TENM2: variants seen among roughly 807,000 people sequenced by gnomAD.
The protein encoded by TENM2 is teneurin transmembrane protein 2.
TENM2 carries 52 observed loss-of-function variants against 245.2 expected under a neutral mutation model. That is an observed-to-expected ratio of 0.21 (90% CI 0.17 to 0.27). The LOEUF is 0.27. TENM2 is among the 10% of genes least tolerant of loss of function. The pLI, the probability that TENM2 is intolerant of heterozygous loss-of-function variation, is 1.00. For synonymous variants in TENM2, 1,363 were observed against 1,438.9 expected (o/e 0.95, Z 1.19); for missense variants, 3,046 against 3,666.8 (o/e 0.83, Z 4.37).
chr5:168,208,187 A>G (rs898654244), intron 19 of TENM2, among the ~76,000 whole-genome samples: 1 of 152,212 alleles, frequency 6.6e-6, no homozygotes, highest in African/African-American at 2.4e-5. Context: ...ATTATACGGG[A>G]TGGGACGGTA....
chr5:167,543,871 G>T (rs1772380094), intron 2 of TENM2, among the ~76,000 whole-genome samples: 1 of 152,134 alleles, frequency 6.6e-6, no homozygotes, highest in Non-Finnish European at 1.5e-5. Flanking sequence ...CTCTTCCTGT[G>T]TCTTAACATC....
intron 5 of TENM2, among the ~76,000 whole-genome samples, chr5:168,017,089 A>G (rs1306260960): frequency 6.6e-6 from 1 of 152,140 alleles, no homozygotes; most frequent in Admixed American, 6.5e-5. Context: ...TTGCCCCTCA[A>G]GATTTCTTCA....
intron 2 of TENM2, among the ~76,000 whole-genome samples, chr5:167,534,603 C>CA (rs1562034383): frequency 1.3e-5 from 2 of 152,124 alleles, no homozygotes; most frequent in African/African-American, 2.4e-5. Context: ...CACAGGAAAG[C>CA]ATTTGGACTT....
At chr5:167,577,194 G>C (rs1030738459) in intron 2 of TENM2, among the ~76,000 whole-genome samples, 6 of 152,098 alleles carry the variant, frequency 3.9e-5, no homozygotes, top group African/African-American at 1.4e-4. Flanking sequence ...ATTTATTTTT[G>C]GAAATGATCA....
intron 13 of TENM2, among the ~76,000 whole-genome samples, chr5:168,173,295 C>T (rs1158135043): frequency 6.6e-6 from 1 of 152,168 alleles, no homozygotes; most frequent in Admixed American, 6.5e-5. Flanking sequence ...AGACCTGAGA[C>T]TGGAGTCCTG....
intron 2 of TENM2, among the ~76,000 whole-genome samples, chr5:167,678,552 C>A: frequency 6.6e-6 from 1 of 152,228 alleles, no homozygotes; most frequent in Middle Eastern, 3.4e-3. Context: ...CAGTTATTTG[C>A]TTATTATCCT....
chr5:167,802,375 C>T (rs1440567519), intron 2 of TENM2, among the ~76,000 whole-genome samples: 1 of 152,052 alleles, frequency 6.6e-6, no homozygotes, highest in African/African-American at 2.4e-5. Flanking sequence ...TAAGTGGGAC[C>T]CTCCCATGAC....
At chr5:168,102,052 T>TG (rs1793858160) in intron 9 of TENM2, among the ~76,000 whole-genome samples, 6 of 106,714 alleles carry the variant, frequency 5.6e-5, no homozygotes, top group East Asian at 4.6e-4. Context: ...TTTTTTTGTT[T>TG]TTGTGTGTGT....
intron 2 of TENM2, among the ~76,000 whole-genome samples, chr5:167,423,908 C>T (rs1424705051): frequency 6.6e-6 from 1 of 152,152 alleles, no homozygotes; most frequent in Non-Finnish European, 1.5e-5. Flanking sequence ...GCGAAGCAAC[C>T]TCCTCAACCC....
chr5:167,654,953 A>G (rs1328929976), intron 2 of TENM2, among the ~76,000 whole-genome samples: 1 of 152,174 alleles, frequency 6.6e-6, no homozygotes, highest in African/African-American at 2.4e-5. Flanking sequence ...TAGTAAAAGT[A>G]TTAAATAAAT....
chr5:167,932,915 T>C (rs902924005), intron 3 of TENM2, among the ~76,000 whole-genome samples: 15 of 152,150 alleles, frequency 9.9e-5, no homozygotes, highest in African/African-American at 3.4e-4. Flanking sequence ...CTACATGTTG[T>C]ATTGAAAAGA....
the TENM2 span, among the ~76,000 whole-genome samples, chr5:167,187,765 G>A: frequency 5.3e-5 from 8 of 151,940 alleles, no homozygotes; most frequent in East Asian, 7.7e-4. Context: ...TCTGTTCTCC[G>A]GGGAGCCTGG....
chr5:167,101,869 A>ATATATATATATATATG, the TENM2 span, among the ~76,000 whole-genome samples: 3 of 125,752 alleles, frequency 2.4e-5, no homozygotes, highest in South Asian at 5.5e-4. Flanking sequence ...ATATATATAT[A>ATATATATATATATATG]TATATATGCA....
the TENM2 span, among the ~76,000 whole-genome samples, chr5:166,990,463 G>A: frequency 3.3e-5 from 5 of 152,014 alleles, no homozygotes; most frequent in South Asian, 2.1e-4. Context: ...AAAATAATCC[G>A]GCTGGCTGAA....
rs113034726 is a variant in TENM2, at chr5:168,040,349, A to G, written c.1187-7078A>G. 5.1e-3 allele frequency among the ~76,000 whole-genome samples: 778 copies of G among 152,252 alleles called. 4 individuals carry two copies. The highest frequency in any genetic ancestry group is 7.5e-3 in the Non-Finnish European group (512 of 68,008). ...GATTCTGGGATTGTATCTGCCTCTCATCTTTCCTCTTCTTTGTAATTCCTG... is the reference window on the plus strand; with the variant it reads ...GATTCTGGGATTGTATCTGCCTCTCGTCTTTCCTCTTCTTTGTAATTCCTG... On this transcript the variant is annotated intron_variant, in intron 5 of 28. Coordinates refer to ENST00000518659, the Ensembl canonical transcript of TENM2.
chr5:167,815,047 A>T (rs893152090), intron 2 of TENM2, among the ~76,000 whole-genome samples: 7 of 152,206 alleles, frequency 4.6e-5, no homozygotes, highest in Non-Finnish European at 1.0e-4. Context: ...CAGAGACGTC[A>T]ACCACAGCAG....
intron 27 of TENM2, among the ~76,000 whole-genome samples, chr5:168,258,360 G>T (rs938940257): frequency 3.3e-5 from 5 of 152,096 alleles, no homozygotes; most frequent in African/African-American, 9.7e-5. Context: ...AATTAGCCGG[G>T]TGTGGTGGCA....
the TENM2 span, among the ~76,000 whole-genome samples, chr5:167,234,480 A>G: frequency 6.6e-6 from 1 of 152,230 alleles, no homozygotes; most frequent in Non-Finnish European, 1.5e-5. Flanking sequence ...TGCTGTATAC[A>G]GACAAAATAG....
the TENM2 span, among the ~76,000 whole-genome samples, chr5:167,025,699 C>A: frequency 6.6e-6 from 1 of 152,178 alleles, no homozygotes; most frequent in South Asian, 2.1e-4. Flanking sequence ...TCAATCCCAA[C>A]TCTGTGCTGT....
Sources: allele counts gnomAD v4.1 joint callset (sites outside exome capture counted in the v4.1 genomes callset), GRCh38; gene constraint gnomAD v4.1.1; transcripts MANE v1.5; gene names NCBI Gene and HGNC (gene_info 2026-07-23, HGNC 2026-07-21).